DCHS2: variants seen among roughly 807,000 people sequenced by gnomAD.
The protein encoded by DCHS2 is protocadherin-23.
DCHS2 carries 142 observed loss-of-function variants against 182.4 expected under a neutral mutation model. The observed-to-expected ratio is 0.78, with a 90% CI of 0.68 to 0.89. DCHS2 has a LOEUF of 0.89. Among genes scored for constraint, DCHS2 ranks in the 40% least tolerant of loss-of-function variants. The probability of loss-of-function intolerance (pLI) is 0.00; values close to 1 mark genes in which losing one functional copy is unlikely to be tolerated. For synonymous variants in DCHS2, 1,740 were observed against 1,663.3 expected (o/e 1.05, Z -1.12); for missense variants, 4,319 against 4,198.6 (o/e 1.03, Z -0.79).
At position 154,490,213 on chromosome 4, in the gene DCHS2, C is replaced by T. The variant is rs1227405488; in HGVS notation, c.1143G>A (p.Leu381=). ...LDREAQAWHQ[L]VVEARDGGAE... ...CGCCTCCATCGCGGGCCTCCACCAC[C>T]AACTGGTGCCAGGCCTGTGCCTCGC... is the stretch of plus-strand genomic sequence containing the variant. The change falls in exon 1 of 20, where the codon TTG becomes TTA. Residue 381 remains leucine (L), a synonymous_variant. Coordinates refer to ENST00000357232, the MANE Select transcript of DCHS2 (RefSeq NM_001358235.2). 1.9e-6 allele frequency: 3 copies of T among 1,549,650 alleles called. No homozygotes were observed. Among genetic ancestry groups the T allele is most frequent in the Non-Finnish European group, 2.6e-6 (3 of 1,146,784 alleles).
chr4:154,443,881 C>T (rs1734139639), intron 1 of DCHS2, among the ~76,000 whole-genome samples: 1 of 152,238 alleles, frequency 6.6e-6, no homozygotes, highest in Non-Finnish European at 1.5e-5. Flanking sequence ...TTGTCAAGAT[C>T]ACCAATGAGC....
intron 1 of DCHS2, among the ~76,000 whole-genome samples, chr4:154,420,309 G>GTACA (rs1244328938): frequency 1.4e-5 from 2 of 145,054 alleles, no homozygotes; most frequent in Admixed American, 6.8e-5. Context: ...AGATACGTAC[G>GTACA]TACATACATA....
Position 154,491,351 on chromosome 4 carries a change from C to T in DCHS2, c.5G>A (p.Ser2Asn). M[S>N]PCGRKMGEGR... is the part of the protein sequence containing the mutation. ...TTCGCCCATCTTCCGCCCACAAGGG[C>T]TCATTTCTCCTCCAGCTCCTTGGGA... The change falls in exon 1 of 20, where the codon AGC becomes AAC. Residue 2 changes from serine to asparagine, a missense_variant. By Grantham distance (46) the Ser-to-Asn change is conservative (BLOSUM62 1). Transcript: ENST00000357232. 1 of 1,524,634 alleles carries T rather than the reference C, an allele frequency of 6.6e-7. No individual in the cohort carries two copies. The highest frequency in any genetic ancestry group is 8.8e-7 in the Non-Finnish European group (1 of 1,131,510). 94.4% of individuals were successfully genotyped at this position (1,524,634 alleles called of 1,614,324 possible).
Position 154,235,021 on chromosome 4 carries a change from G to T in DCHS2, c.9631C>A (p.Gln3211Lys). 6.2e-7 allele frequency: 1 copy of T among 1,613,964 alleles called. No homozygotes were observed. The highest frequency in any genetic ancestry group is 8.5e-7 in the Non-Finnish European group (1 of 1,179,974). ...GAAAGAGCTGCACACCTTACTTCCT[G>T]ATCACCTGAAATAAAGACAGACTCT... ...RKESVFISGD[Q>K]EVRCAALSTQ... The change falls in exon 20 of 20, where the codon CAG becomes AAG. Residue 3211 changes from glutamine to lysine, a missense_variant. By Grantham distance (53) the Gln-to-Lys change is moderately conservative. Transcript: ENST00000357232.
intron 1 of DCHS2, among the ~76,000 whole-genome samples, chr4:154,418,349 T>A (rs78821913): frequency 0.014 from 2,121 of 152,244 alleles, 47 homozygotes; most frequent in African/African-American, 0.047. Context: ...CACTACCTGA[T>A]TAAAAACAGG....
chr4:154,247,999 G>A (rs1404309121), intron 16 of DCHS2, among the ~76,000 whole-genome samples: 1 of 152,112 alleles, frequency 6.6e-6, no homozygotes, highest in Non-Finnish European at 1.5e-5. Context: ...GATGGAGAGG[G>A]CATAAAGCAG....
intron 1 of DCHS2, among the ~76,000 whole-genome samples, chr4:154,487,639 TG>T (rs1201196428): frequency 6.6e-6 from 1 of 152,232 alleles, no homozygotes; most frequent in Non-Finnish European, 1.5e-5. Flanking sequence ...ACTTTTACTT[TG>T]CAGTAGCACC....
At chr4:154,276,833 A>C (rs966350786) in intron 13 of DCHS2, among the ~76,000 whole-genome samples, 2 of 152,216 alleles carry the variant, frequency 1.3e-5, no homozygotes, top group African/African-American at 4.8e-5. Flanking sequence ...AAAACCAAGA[A>C]TAGTCAGATT....
intron 12 of DCHS2, among the ~76,000 whole-genome samples, chr4:154,302,082 AATGATCAAT>A (rs749334244): frequency 1.3e-5 from 2 of 152,218 alleles, no homozygotes; most frequent in Non-Finnish European, 2.9e-5. Flanking sequence ...AGTATAATAA[AATGATCAAT>A]ATTTTAAGCA....
intron 1 of DCHS2, among the ~76,000 whole-genome samples, chr4:154,389,536 A>ATATATATATATATATAT (rs1485000004): frequency 2.6e-4 from 38 of 144,522 alleles, no homozygotes; most frequent in Non-Finnish European, 3.5e-4. Context: ...ATATATATAT[A>ATATATATATATATATAT]ACCTTTTTTT....
Position 154,335,484 on chromosome 4 carries a change from G to A in DCHS2, c.2477-380C>T, listed in dbSNP as rs117440801. On this transcript the variant is annotated intron_variant, in intron 3 of 19. Transcript: ENST00000357232. ...GAAGCATTGGCTCTTCCTAGGTCTC[G>A]AGCCTGCTGGTCTTCAGCCTCAAAC... 2.2e-4 allele frequency among the ~76,000 whole-genome samples: 33 copies of A among 152,252 alleles called. No individual in the cohort carries two copies. In the East Asian group the frequency reaches 5.8e-3, roughly 27 times the overall value.
Position 154,491,507 on chromosome 4 carries a change from A to T in DCHS2, c.-152T>A, listed in dbSNP as rs1672888585. ...ACGGCCCAGGAATTCCCGAGGTTAC[A>T]TCTGCAACTGGTGAAAGCGTCCTCT... On this transcript the variant is annotated 5_prime_UTR_variant, in exon 1 of 20. An upstream start codon of the reference 5' UTR is lost. Coordinates refer to ENST00000357232, the MANE Select transcript of DCHS2 (RefSeq NM_001358235.2). 16 of 1,400,352 alleles carry T rather than the reference A, an allele frequency of 1.1e-5. No homozygotes were observed. The highest frequency in any genetic ancestry group is 1.7e-5 in the South Asian group (1 of 57,806). The allele number at this position is 1,400,352 out of a possible 1,614,324, so 86.7% of individuals were successfully genotyped here. A position where few individuals can be genotyped will look rare whatever the true frequency, so the allele number is the denominator to read the frequency against.
At chr4:154,279,082 A>C (rs1443506280) in intron 13 of DCHS2, among the ~76,000 whole-genome samples, 1 of 152,160 alleles carries the variant, frequency 6.6e-6, no homozygotes. Flanking sequence ...AAAAGATGTA[A>C]TCTGTAACAT....
At chr4:154,243,635 C>T (rs1399208143) in intron 16 of DCHS2, among the ~76,000 whole-genome samples, 1 of 152,092 alleles carries the variant, frequency 6.6e-6, no homozygotes, top group Non-Finnish European at 1.5e-5. Flanking sequence ...ATGAGACTTG[C>T]AGTGTTTTTA....
chr4:154,348,483 C>T (rs1729460104), intron 3 of DCHS2, among the ~76,000 whole-genome samples: 4 of 151,830 alleles, frequency 2.6e-5, no homozygotes, highest in Non-Finnish European at 5.9e-5. Flanking sequence ...AATTTATGTC[C>T]ACTTGGATCC....
chr4:154,486,339 A>G (rs1018121882), intron 1 of DCHS2: 68 of 1,228,472 alleles, frequency 5.5e-5, no homozygotes, highest in Non-Finnish European at 6.6e-5. Flanking sequence ...CAGCAACTAG[A>G]GTGGTAGGAC....
chr4:154,327,891 T>C (rs1204829441), intron 7 of DCHS2, among the ~76,000 whole-genome samples: 1 of 152,204 alleles, frequency 6.6e-6, no homozygotes, highest in African/African-American at 2.4e-5. Context: ...GATTTTTTAT[T>C]AAACTTTAAA....
At chr4:154,395,552 C>A (rs1731894592) in intron 1 of DCHS2, among the ~76,000 whole-genome samples, 1 of 152,210 alleles carries the variant, frequency 6.6e-6, no homozygotes, top group South Asian at 2.1e-4. Flanking sequence ...AGGAGAGAGA[C>A]CATCTCTGTA....
intron 1 of DCHS2, among the ~76,000 whole-genome samples, chr4:154,380,808 C>G (rs1731134075): frequency 6.6e-6 from 1 of 152,040 alleles, no homozygotes; most frequent in Non-Finnish European, 1.5e-5. Context: ...CAACATATCC[C>G]ACCTATTGGG....
Sources: allele counts gnomAD v4.1 joint callset (sites outside exome capture counted in the v4.1 genomes callset), GRCh38; gene constraint gnomAD v4.1.1; transcripts MANE v1.5; gene names NCBI Gene and HGNC (gene_info 2026-07-23, HGNC 2026-07-21).